Variants in CCDC7 observed in about 807,000 individuals in gnomAD.
The protein encoded by CCDC7 is coiled-coil domain-containing protein 7.
CCDC7 carries 183 observed loss-of-function variants against 196.9 expected under a neutral mutation model. That is an observed-to-expected ratio of 0.93 (90% confidence interval 0.82 to 1.05). The LOEUF (loss-of-function observed/expected upper bound fraction) is 1.05, where lower values mean the gene tolerates loss of function less well. Ranked by LOEUF, CCDC7 falls within the 50% of genes least tolerant of loss-of-function variation. The pLI is 0.00. For synonymous variants in CCDC7, 525 were observed against 484.6 expected (o/e 1.08, Z -1.10); for missense variants, 1,540 against 1,482.2 (o/e 1.04, Z -0.64).
At position 32,792,673 on chromosome 10, in the gene CCDC7, C is replaced by T. The variant is rs1317553037; in HGVS notation, c.3014-12342C>T. ...AAAATTCGCTGTGTGTGGTGGCATA[C>T]GCTTGTAACTCAGCTGCTCGGGAGG... is the stretch of plus-strand genomic sequence containing the variant. On this transcript the variant is annotated intron_variant, in intron 29 of 41. Coordinates refer to ENST00000639629, the Ensembl canonical transcript of CCDC7. 1.3e-5 allele frequency among the ~76,000 whole-genome samples: 2 copies of T among 151,984 alleles called. 1 individual carries two copies. Among genetic ancestry groups the T allele is most frequent in the Non-Finnish European group, 2.9e-5 (2 of 67,988 alleles).
chr10:32,640,322 T>G (rs904767496), intron 20 of CCDC7, among the ~76,000 whole-genome samples: 3 of 152,080 alleles, frequency 2.0e-5, no homozygotes, highest in Non-Finnish European at 4.4e-5. Context: ...TTTTGATCTT[T>G]GTTGGTTTAA....
chr10:32,608,258 T>G (rs1460675273), intron 18 of CCDC7, among the ~76,000 whole-genome samples: 1 of 152,100 alleles, frequency 6.6e-6, no homozygotes, highest in African/African-American at 2.4e-5. Context: ...AATCCAACTC[T>G]TTTTTTGTCC....
chr10:32,824,175 A>G (rs964134287), intron 31 of CCDC7, among the ~76,000 whole-genome samples: 2 of 152,130 alleles, frequency 1.3e-5, no homozygotes, highest in African/African-American at 4.8e-5. Context: ...TATTACCACA[A>G]ACTATCTAGT....
At chr10:32,739,425 G>C (rs552587937) in intron 28 of CCDC7, among the ~76,000 whole-genome samples, 2 of 151,902 alleles carry the variant, frequency 1.3e-5, no homozygotes, top group African/African-American at 4.8e-5. Flanking sequence ...AACATCAAAG[G>C]CATTCTTAAT....
chr10:32,664,263 A>G (rs934206716), intron 21 of CCDC7, 102 bp downstream of exon 22: 26 of 372,036 alleles, frequency 7.0e-5, no homozygotes, highest in African/African-American at 5.2e-4. Context: ...TAGTGTTTTA[A>G]TATATAAATT....
intron 18 of CCDC7, among the ~76,000 whole-genome samples, chr10:32,618,304 TTC>T (rs1177178445): frequency 6.6e-6 from 1 of 151,948 alleles, no homozygotes; most frequent in East Asian, 1.9e-4. Context: ...TTTTATTTTC[TTC>T]TCTTTTTGTC....
At chr10:32,778,523 T>A (rs1322414797) in intron 28 of CCDC7, among the ~76,000 whole-genome samples, 1 of 152,214 alleles carries the variant, frequency 6.6e-6, no homozygotes, top group Non-Finnish European at 1.5e-5. Context: ...TTCTCTACTC[T>A]GTTCAGTTGG....
At chr10:32,710,263 C>A (rs1239866168) in intron 24 of CCDC7, among the ~76,000 whole-genome samples, 1 of 152,228 alleles carries the variant, frequency 6.6e-6, no homozygotes, top group African/African-American at 2.4e-5. Context: ...TCCCAAAGGG[C>A]TCTCCATTCG....
chr10:32,448,996 A>G (rs2032228387), upstream of CCDC7, among the ~76,000 whole-genome samples: 1 of 151,814 alleles, frequency 6.6e-6, no homozygotes, highest in African/African-American at 2.4e-5. Context: ...CTTCAGCAGT[A>G]TTATTTTGTG....
intron 13 of CCDC7, among the ~76,000 whole-genome samples, chr10:32,560,432 GT>G (rs1158186775): frequency 6.6e-6 from 1 of 152,116 alleles, no homozygotes; most frequent in African/African-American, 2.4e-5. Flanking sequence ...GAAAGGTCGG[GT>G]TACCCACAAA....
chr10:32,820,070 C>T (rs1205167098), intron 31 of CCDC7, among the ~76,000 whole-genome samples: 7 of 152,270 alleles, frequency 4.6e-5, no homozygotes, highest in African/African-American at 1.4e-4. Context: ...GAAAACCCCA[C>T]TGTCTCAGTC....
chr10:32,874,017 T>G (rs1479651545), intron 41 of CCDC7, among the ~76,000 whole-genome samples: 1 of 151,608 alleles, frequency 6.6e-6, no homozygotes, highest in Non-Finnish European at 1.5e-5. Flanking sequence ...AATTAATAAT[T>G]AAAATCACTT....
intron 25 of CCDC7, among the ~76,000 whole-genome samples, chr10:32,722,126 G>T (rs1016329573): frequency 8.5e-5 from 13 of 152,082 alleles, no homozygotes; most frequent in Admixed American, 6.6e-4. Context: ...CTAGTTCATG[G>T]ATTTTTTTTG....
intron 11 of CCDC7, among the ~76,000 whole-genome samples, chr10:32,541,712 C>A (rs559943765): frequency 6.6e-6 from 1 of 152,308 alleles, no homozygotes; most frequent in Non-Finnish European, 1.5e-5. Flanking sequence ...TAGAGGTCAC[C>A]GTGGACTCAA....
intron 18 of CCDC7, among the ~76,000 whole-genome samples, chr10:32,617,181 C>G (rs1411725925): frequency 6.6e-6 from 1 of 151,626 alleles, no homozygotes; most frequent in Non-Finnish European, 1.5e-5. Flanking sequence ...CTTGTCTCTT[C>G]TTTTCTTGAT....
chr10:32,471,636 T>C (rs1016888150), intron 6 of CCDC7, among the ~76,000 whole-genome samples: 1 of 152,210 alleles, frequency 6.6e-6, no homozygotes, highest in Admixed American at 6.5e-5. Context: ...TCATTGTTCA[T>C]GAACACCTTC....
intron 13 of CCDC7, among the ~76,000 whole-genome samples, chr10:32,559,254 A>G (rs896924718): frequency 2.0e-5 from 3 of 151,692 alleles, no homozygotes; most frequent in African/African-American, 7.3e-5. Context: ...GGCACAGACA[A>G]ACAAAAAGAC....
chr10:32,681,492 A>T (rs930413842), intron 21 of CCDC7, among the ~76,000 whole-genome samples: 7 of 152,136 alleles, frequency 4.6e-5, no homozygotes, highest in Non-Finnish European at 8.8e-5. Context: ...TTTTCAACTT[A>T]AGGCGATTAG....
downstream of CCDC7, among the ~76,000 whole-genome samples, chr10:32,877,931 A>G (rs1359530071): frequency 6.6e-6 from 1 of 151,994 alleles, no homozygotes; most frequent in African/African-American, 2.4e-5. Context: ...CCAAGCCCAT[A>G]TGCAAATGGT....
Sources: gnomAD v4.1 joint callset for allele counts (sites outside exome capture counted in the v4.1 genomes callset) on GRCh38, gnomAD v4.1.1 for gene constraint, MANE v1.5 for transcripts, NCBI Gene and HGNC (gene_info 2026-07-23, HGNC 2026-07-21) for gene names.